MTA2: variants seen among roughly 807,000 people sequenced by gnomAD.
MTA2 encodes the protein metastasis-associated protein MTA2.
Under a neutral mutation model 87.1 loss-of-function variants are expected in MTA2, and 22 were observed. The ratio of observed to expected loss-of-function variants is 0.25; its 90% CI spans 0.18 to 0.36. MTA2 has a LOEUF of 0.36. Among genes scored for constraint, MTA2 ranks in the 10% least tolerant of loss-of-function variants. The pLI, the probability that MTA2 is intolerant of heterozygous loss-of-function variation, is 1.00. For missense variants in MTA2, 542 were observed against 853.2 expected, an observed-to-expected ratio of 0.64 and a Z score of 4.54; for synonymous variants, 314 against 310.1, an observed-to-expected ratio of 1.01 and a Z score of -0.13.
In MTA2 at chr11:62,601,803, G is replaced by T; in HGVS notation, c.-353C>A. ...GCCGGCCGCAGGGAAGGCTTGCCGG[G>T]CCCGCCTCAGGGTTCGCCTCCTTCC... On this transcript the variant is annotated 5_prime_UTR_variant, in exon 1 of 18. Transcript: ENST00000278823. 4.0e-6 allele frequency: 2 copies of T among 501,924 alleles called. No individual in the cohort carries two copies. The highest frequency in any genetic ancestry group is 6.4e-5 in the South Asian group (2 of 31,412). 31.1% of individuals were successfully genotyped at this position (501,924 alleles called of 1,614,324 possible).
At position 62,601,827 on chromosome 11, in the gene MTA2, C is replaced by G. The variant is rs1395464013; in HGVS notation, c.-377G>C. 2.0e-6 allele frequency: 1 copy of G among 500,314 alleles called. No homozygotes were observed. Among genetic ancestry groups the G allele is most frequent in the African/African-American group, 2.0e-5 (1 of 49,018 alleles). 31.0% of individuals were successfully genotyped at this position (500,314 alleles called of 1,614,324 possible). On this transcript the variant is annotated 5_prime_UTR_variant, in exon 1 of 18. Transcript: ENST00000278823. ...GGCCCGCCTCAGGGTTCGCCTCCTT[C>G]CGGAACACCTTCGGCCGATCCGGAG... is the stretch of plus-strand genomic sequence containing the variant.
In MTA2 at chr11:62,596,026, A is replaced by T. The variant is rs772908758; in HGVS notation, c.1098T>A (p.Thr366=). The T allele has an allele frequency of 6.2e-7, 1 of 1,614,186 alleles. No homozygotes were observed. Among genetic ancestry groups the T allele is most frequent in the Non-Finnish European group, 8.5e-7 (1 of 1,180,028 alleles). Residue 366 remains threonine, a synonymous_variant, in exon 12 of 18, where the codon ACT becomes ACA. Transcript: ENST00000278823. ...GTAACTCACTGTGGCAACTCTCACA[A>T]GTCAGGCCCTTCTGAAATCCAGCCC... is the stretch of plus-strand genomic sequence containing the variant. ...MNGAGFQKGL[T]CESCHTTQSA...
intron 10 of MTA2, 43 bp downstream of exon 10, chr11:62,596,410 GAGGTC>G: frequency 6.2e-7 from 1 of 1,612,780 alleles, no homozygotes; most frequent in Non-Finnish European, 8.5e-7. Context: ...TTCAAAGGCA[GAGGTC>G]AGCAGGTAGC....
intron 10 of MTA2, 24 bp downstream of exon 10, chr11:62,596,434 C>T: frequency 6.2e-7 from 1 of 1,613,334 alleles, no homozygotes. Flanking sequence ...GCCTATGGTC[C>T]ACCCTCCCCA....
At chr11:62,598,176 C>T in intron 5 of MTA2, 35 bp from the exon 6 acceptor site, 1 of 1,605,268 alleles carries the variant, frequency 6.2e-7, no homozygotes, top group African/African-American at 1.3e-5. Flanking sequence ...AGCAAGGCAG[C>T]AATCCACATA....
chr11:62,597,655 T>C lies in MTA2; in HGVS notation c.548A>G (p.Asn183Ser), dbSNP rs1942117413. Residue 183 changes from asparagine to serine, a missense_variant, in exon 7 of 18, where the codon AAC becomes AGC. Asn to Ser is a conservative substitution (Grantham distance 46). This residue lies in a region of MTA2 where 150 missense variants were observed against 243.9 expected (regional missense o/e 0.62). Coordinates refer to ENST00000278823, the MANE Select transcript of MTA2 (RefSeq NM_004739.4). ...KMEMKVWDPDNPLTDRQIDQF... is the reference protein window; with the variant it reads ...KMEMKVWDPDSPLTDRQIDQF... ...GTCGATCTGCCGGTCTGTGAGAGGG[T>C]TGTCTGGGTCCCAGACCTTCATCTC... 1 of 1,613,978 alleles carries C rather than the reference T, an allele frequency of 6.2e-7. No homozygotes were observed. The highest frequency in any genetic ancestry group is 1.7e-5 in the Admixed American group (1 of 60,002).
Position 62,598,453 on chromosome 11 carries a change from A to G in MTA2, c.309-63T>C, listed in dbSNP as rs549760329. 1.5e-5 allele frequency: 24 copies of G among 1,607,224 alleles called. No homozygotes were observed. In the African/African-American group the frequency reaches 2.7e-4, roughly 18 times the overall value. On this transcript the variant is annotated intron_variant, in intron 4 of 17. Coordinates refer to ENST00000278823, the MANE Select transcript of MTA2 (RefSeq NM_004739.4). ...CTCTCCCTCCCCACAGCATCTCTCA[A>G]TACCACCTCCTTCTCTCCATCTTCT...
chr11:62,596,116 G>T lies in MTA2; in HGVS notation c.1017-9C>A, dbSNP rs757564283. On this transcript the variant is annotated splice_polypyrimidine_tract_variant and intron_variant, in intron 11 of 17. Transcript: ENST00000278823. The stretch of plus-strand genomic sequence containing the variant: ...TAGGGTTTGGCTTAGTGCTAACGGG[G>T]AAGGCGAGGAGAAGGGAAAAAAACA... 13 of 1,613,804 alleles carry T rather than the reference G, an allele frequency of 8.1e-6. No homozygotes were observed. Among genetic ancestry groups the T allele is most frequent in the Non-Finnish European group, 1.1e-5 (13 of 1,179,838 alleles).
intron 17 of MTA2, 90 bp downstream of exon 17, chr11:62,594,169 T>G: frequency 3.2e-6 from 5 of 1,575,136 alleles, no homozygotes; most frequent in Non-Finnish European, 4.3e-6. Context: ...CATCCACAAC[T>G]TTCCTGGAGC....
Position 62,594,557 on chromosome 11 carries a change from G to C in MTA2, c.1651C>G (p.Arg551Gly). 6.2e-7 allele frequency: 1 copy of C among 1,613,972 alleles called. No individual in the cohort carries two copies. The highest frequency in any genetic ancestry group is 8.5e-7 in the Non-Finnish European group (1 of 1,179,992). The change falls in exon 16 of 18, where the codon CGG becomes GGG. Residue 551 changes from arginine (R) to glycine (G), a missense_variant. Arg to Gly is a moderately radical substitution (Grantham distance 125). Coordinates refer to ENST00000278823, the MANE Select transcript of MTA2 (RefSeq NM_004739.4). The part of the protein sequence containing the change: ...PINRNQLSQN[R>G]GLGGIMVKRA... ...TTCACCATAATGCCCCCCAGTCCCC[G>C]GTTCTGGGACAGCTGGTTTCTGTTG...
rs1942176905 is a variant in MTA2, at chr11:62,600,831, GGACA to G, written c.29-146_29-143del. 9.1e-6 allele frequency: 6 copies of G among 658,672 alleles called. No individual in the cohort carries two copies. In the East Asian group the frequency reaches 1.6e-4, roughly 18 times the overall value. 40.8% of individuals were successfully genotyped at this position (658,672 alleles called of 1,614,324 possible). On this transcript the variant is annotated intron_variant, in intron 1 of 17. Coordinates refer to ENST00000278823, the MANE Select transcript of MTA2 (RefSeq NM_004739.4). ...AGAAAGGGCGCTGAGATGTGAAAGT[GGACA>G]GACTAAGAGAAAATAAGGATGTCCC...
At position 62,598,649 on chromosome 11, in the gene MTA2, TA is replaced by T; in HGVS notation, c.191-11del. 1 of 1,611,848 alleles carries T rather than the reference TA, an allele frequency of 6.2e-7. No homozygotes were observed. The highest frequency in any genetic ancestry group is 1.1e-5 in the South Asian group (1 of 90,954). ...TCCTCTTCAAACTCCCCTGGGAGAT[TA>T]AAGAGGAAGAAACCAAGTCAGAAAT... is the stretch of plus-strand genomic sequence containing the variant. On this transcript the variant is annotated splice_polypyrimidine_tract_variant and intron_variant, in intron 3 of 17. Coordinates refer to ENST00000278823, the MANE Select transcript of MTA2 (RefSeq NM_004739.4).
rs1942086959 is a variant in MTA2 at position 62,595,555 on chromosome 11, C to T, written c.1255-63G>A. The T allele has an allele frequency of 6.3e-7, 1 of 1,581,368 alleles. No individual in the cohort carries two copies. The highest frequency in any genetic ancestry group is 8.7e-7 in the Non-Finnish European group (1 of 1,154,810). ...CAGCACTGAGGCTCCCTTCTTTCTT[C>T]CATTCCCTGCAGGGGACAATTTATT... On this transcript the variant is annotated intron_variant, in intron 13 of 17. Coordinates refer to ENST00000278823, the MANE Select transcript of MTA2 (RefSeq NM_004739.4). The surrounding 1 kb of genome is among the most constrained non-coding windows in gnomAD (Gnocchi z 4.9).
intron 1 of MTA2, 136 bp from the exon 2 acceptor site, chr11:62,600,825 G>T: frequency 1.5e-6 from 1 of 677,830 alleles, no homozygotes; most frequent in Non-Finnish European, 2.5e-6. Context: ...GCTGAGATGT[G>T]AAAGTGGACA....
intron 1 of MTA2, 113 bp downstream of exon 1, chr11:62,601,310 C>CA: frequency 7.4e-7 from 1 of 1,347,708 alleles, no homozygotes; most frequent in East Asian, 2.7e-5. Context: ...GGTCCGCGCT[C>CA]CGGTCCACGC....
rs1437354575 is a variant in MTA2 at position 62,601,187 on chromosome 11, C to G, written c.28+236G>C. ...ACTCCGTGCCCCGGGGAGCCCCTGA[C>G]GCAGCCCCGAAAGTGCCGTCGGGGC... On this transcript the variant is annotated intron_variant, in intron 1 of 17. Transcript: ENST00000278823. 5.4e-6 allele frequency: 3 copies of G among 560,360 alleles called. No homozygotes were observed. In the East Asian group the frequency reaches 9.9e-5, roughly 19 times the overall value. The allele number at this position is 560,360 out of a possible 1,614,324, so 34.7% of individuals were successfully genotyped here.
chr11:62,594,773 A>G, intron 15 of MTA2, 139 bp from the exon 16 acceptor site: 1 of 878,646 alleles, frequency 1.1e-6, no homozygotes, highest in South Asian at 1.6e-5. Context: ...GCAAGCTATC[A>G]CTAGTATTTC....
chr11:62,597,972 C>A, intron 6 of MTA2, 52 bp downstream of exon 6: 1 of 1,476,870 alleles, frequency 6.8e-7, no homozygotes. Context: ...TGTTAAAGTG[C>A]CCCTTGGAAT....
intron 1 of MTA2, 55 bp downstream of exon 1, chr11:62,601,368 T>C (rs1271879184): frequency 2.8e-5 from 45 of 1,597,298 alleles, no homozygotes; most frequent in Non-Finnish European, 3.3e-5. Context: ...GCCCCTCAGG[T>C]CCCTACCCCA....
Sources: gnomAD v4.1 joint callset for allele counts on GRCh38, gnomAD v4.1.1 for gene constraint, gnomAD v4.1.1 regional missense constraint, Gnocchi (gnomAD v3.1) non-coding constraint, MANE v1.5 for transcripts, NCBI Gene and HGNC (gene_info 2026-07-23, HGNC 2026-07-21) for gene names.